CORIN: variants seen among roughly 807,000 people sequenced by gnomAD.
CORIN encodes the protein corin, serine peptidase.
Under a neutral mutation model 125.3 loss-of-function variants are expected in CORIN, and 117 were observed. The ratio of observed to expected loss-of-function variants is 0.93; its 90% CI spans 0.80 to 1.09. The LOEUF is 1.09. Ranked by LOEUF, CORIN falls within the 50% of genes least tolerant of loss-of-function variation. CORIN has a pLI of 0.00. For synonymous variants in CORIN, 450 were observed against 466.4 expected (o/e 0.96, Z 0.45); for missense variants, 1,253 against 1,306.7 (o/e 0.96, Z 0.63).
intron 1 of CORIN, among the ~76,000 whole-genome samples, chr4:47,831,200 CCACCAGCT>C (rs1186095798): frequency 1.3e-5 from 2 of 152,216 alleles, no homozygotes; most frequent in Non-Finnish European, 2.9e-5. Context: ...GCATTTGTCA[CCACCAGCT>C]CTGATGGTTT....
At chr4:47,633,569 A>C (rs4694863) in intron 16 of CORIN, among the ~76,000 whole-genome samples, 39,748 of 152,080 alleles carry the variant, frequency 0.26, 5,422 homozygotes, top group Admixed American at 0.36. Flanking sequence ...GCCAGTCCAG[A>C]TATTTCCTTC....
rs535935183 is a variant in CORIN at position 47,784,524 on chromosome 4, A to G, written c.409+2201T>C. 9.8e-5 allele frequency among the ~76,000 whole-genome samples: 15 copies of G among 152,310 alleles called. 1 individual carries two copies. The highest frequency in any genetic ancestry group is 3.4e-4 in the African/African-American group (14 of 41,578). On this transcript the variant is annotated intron_variant, in intron 3 of 21. Transcript: ENST00000273857. ...TTCCAATCTGAGCAACAACAGCCACATGTTTCTTTACTCTTCAGGACATGT... is the reference window on the plus strand; with the variant it reads ...TTCCAATCTGAGCAACAACAGCCACGTGTTTCTTTACTCTTCAGGACATGT...
chr4:47,791,640 G>C (rs1302232648), intron 2 of CORIN, among the ~76,000 whole-genome samples: 1 of 152,182 alleles, frequency 6.6e-6, no homozygotes, highest in Non-Finnish European at 1.5e-5. Context: ...CTCAAGATTT[G>C]AGTTGGGACA....
chr4:47,752,085 G>A (rs1307364392), intron 4 of CORIN, among the ~76,000 whole-genome samples: 7 of 151,862 alleles, frequency 4.6e-5, no homozygotes, highest in Admixed American at 1.3e-4. Flanking sequence ...CTCACCTCCC[G>A]GACTTCCAGA....
intron 9 of CORIN, 142 bp downstream of exon 9, chr4:47,677,796 T>C: frequency 1.6e-6 from 1 of 623,896 alleles, no homozygotes; most frequent in Admixed American, 2.7e-5. Context: ...CCTGGCTGAC[T>C]AGGGCTGTGA....
intron 19 of CORIN, among the ~76,000 whole-genome samples, chr4:47,623,117 T>TATATAC (rs141525347): frequency 8.5e-4 from 115 of 134,540 alleles, no homozygotes; most frequent in African/African-American, 2.7e-3. Context: ...TATATATATA[T>TATATAC]ACACACACAC....
intron 2 of CORIN, among the ~76,000 whole-genome samples, chr4:47,795,686 A>G (rs566848026): frequency 4.6e-5 from 7 of 152,160 alleles, no homozygotes; most frequent in South Asian, 4.1e-4. Context: ...GAGAGAAATT[A>G]TTTGTAAACC....
chr4:47,726,927 A>C (rs1243714745), intron 5 of CORIN, among the ~76,000 whole-genome samples: 1 of 152,042 alleles, frequency 6.6e-6, no homozygotes, highest in Non-Finnish European at 1.5e-5. Flanking sequence ...GAAATTAACC[A>C]ATATTTCCAT....
At chr4:47,801,157 A>G (rs900673143) in intron 2 of CORIN, among the ~76,000 whole-genome samples, 1 of 152,168 alleles carries the variant, frequency 6.6e-6, no homozygotes, top group African/African-American at 2.4e-5. Context: ...GGAAAGCAAC[A>G]TGTTGGATTT....
intron 5 of CORIN, among the ~76,000 whole-genome samples, chr4:47,736,660 G>A (rs570516097): frequency 5.9e-5 from 9 of 152,192 alleles, no homozygotes; most frequent in Admixed American, 2.0e-4. Context: ...GTAGACCCCA[G>A]TATCAGTCGT....
chr4:47,608,203 C>T (rs1400541235), intron 19 of CORIN, among the ~76,000 whole-genome samples: 2 of 151,968 alleles, frequency 1.3e-5, no homozygotes, highest in African/African-American at 4.8e-5. Flanking sequence ...CACCTGTAAC[C>T]CCAGCTACTC....
intron 1 of CORIN, among the ~76,000 whole-genome samples, chr4:47,817,253 A>G (rs1312252687): frequency 2.0e-5 from 3 of 150,772 alleles, no homozygotes; most frequent in African/African-American, 7.3e-5. Flanking sequence ...GAATGTATTA[A>G]GTCCTTTAAA....
At chr4:47,597,830 A>G (rs1721310527) in intron 21 of CORIN, among the ~76,000 whole-genome samples, 1 of 152,212 alleles carries the variant, frequency 6.6e-6, no homozygotes, top group Admixed American at 6.5e-5. Flanking sequence ...GCTAGTGTAT[A>G]AACAAACGAA....
chr4:47,649,986 C>T (rs1377502209), intron 13 of CORIN, among the ~76,000 whole-genome samples: 1 of 152,150 alleles, frequency 6.6e-6, no homozygotes, highest in Non-Finnish European at 1.5e-5. Flanking sequence ...CCAGTTAAGC[C>T]CTTCTGTGAG....
intron 3 of CORIN, among the ~76,000 whole-genome samples, chr4:47,784,390 C>T (rs1730693038): frequency 6.6e-6 from 1 of 152,130 alleles, no homozygotes; most frequent in Non-Finnish European, 1.5e-5. Context: ...CTCCATTTAG[C>T]CATTCTAATT....
chr4:47,623,805 C>G (rs914875635), intron 18 of CORIN, 60 bp from the exon 19 acceptor site: 111 of 1,610,732 alleles, frequency 6.9e-5, no homozygotes, highest in Non-Finnish European at 9.0e-5. Flanking sequence ...AAATGCTTAG[C>G]TCTTTGCTGT....
rs147919603 is a variant in CORIN, at chr4:47,741,149, G to A, written c.799+3253C>T. ...TGTTGTTAAAATGAAAACAGCCCCC[G>A]AAGAATGTAGGAAGATATTTGAAGA... is the stretch of plus-strand genomic sequence containing the variant. On this transcript the variant is annotated intron_variant, in intron 5 of 21. Transcript: ENST00000273857. Among the ~76,000 whole-genome samples, 874 of 152,016 alleles carry A rather than the reference G, an allele frequency of 5.7e-3. 6 individuals are homozygous for A. Among genetic ancestry groups the A allele is most frequent in the Non-Finnish European group, 8.1e-3 (550 of 67,830 alleles).
chr4:47,661,887 AG>A (rs766551124), intron 11 of CORIN, 31 bp from the exon 12 acceptor site: 19 of 1,562,566 alleles, frequency 1.2e-5, no homozygotes, highest in Non-Finnish European at 1.6e-5. Context: ...AAACATTAGA[AG>A]CAGAAATAGC....
At chr4:47,732,259 C>T (rs1218076699) in intron 5 of CORIN, among the ~76,000 whole-genome samples, 1 of 152,142 alleles carries the variant, frequency 6.6e-6, no homozygotes, top group African/African-American at 2.4e-5. Flanking sequence ...TAGAAATGTG[C>T]TAGAAACCAA....
Sources: gnomAD v4.1 joint callset for allele counts (sites outside exome capture counted in the v4.1 genomes callset) on GRCh38, gnomAD v4.1.1 for gene constraint, MANE v1.5 for transcripts, NCBI Gene and HGNC (gene_info 2026-07-23, HGNC 2026-07-21) for gene names.